The following EXOSC5 variants were observed in gnomAD, a reference collection of about 807,000 sequenced individuals.
EXOSC5 encodes exosome component 5, also known as exosome complex component RRP46.
In EXOSC5, 15 loss-of-function variants were observed where a neutral mutation model predicts 23.7. That is an observed-to-expected ratio of 0.63 (90% CI 0.42 to 0.97). The LOEUF is 0.97. EXOSC5 is among the 50% of genes least tolerant of loss of function. The pLI is 0.00. For synonymous variants in EXOSC5, 143 were observed against 140.9 expected, an observed-to-expected ratio of 1.02 and a Z score of -0.11; for missense variants, 305 against 316.3, an observed-to-expected ratio of 0.96 and a Z score of 0.27.
At chr19:41,390,225 C>T (rs1239317508) in intron 3 of EXOSC5, among the ~76,000 whole-genome samples, 2 of 152,156 alleles carry the variant, frequency 1.3e-5, no homozygotes, top group Non-Finnish European at 2.9e-5. Flanking sequence ...TGAGCCACCA[C>T]GCCCAGCCTA....
chr19:41,393,451 G>A (rs1468081770), intron 1 of EXOSC5, among the ~76,000 whole-genome samples: 4 of 152,176 alleles, frequency 2.6e-5, no homozygotes, highest in Non-Finnish European at 4.4e-5. Context: ...TTTTAGTAGA[G>A]AGGGGATTTT....
rs145531571 is a variant in EXOSC5 at position 41,389,839 on chromosome 19, G to C, written c.451C>G (p.Leu151Val). The C allele has an allele frequency of 5.5e-5, 89 of 1,614,012 alleles. No homozygotes were observed. The highest frequency in any genetic ancestry group is 6.9e-5 in the Non-Finnish European group (82 of 1,180,014). ...LVDAGVPMRA[L>V]FCGVACALDS... ...AGGGCGCAGGCGACCCCACAGAAGAGAGCCCGCATGGGCACACCTGCATCC... is the reference window on the plus strand; with the variant it reads ...AGGGCGCAGGCGACCCCACAGAAGACAGCCCGCATGGGCACACCTGCATCC... Residue 151 changes from leucine to valine, a missense_variant, in exon 4 of 6, where the codon CTC becomes GTC. Transcript: ENST00000221233.
chr19:41,390,461 G>C (rs569632133), intron 3 of EXOSC5, among the ~76,000 whole-genome samples: 1 of 152,340 alleles, frequency 6.6e-6, no homozygotes, highest in Non-Finnish European at 1.5e-5. Context: ...TCATCTGTTA[G>C]ATGGGGAATA....
chr19:41,387,936 C>T (rs564714598), intron 4 of EXOSC5, among the ~76,000 whole-genome samples: 5 of 152,158 alleles, frequency 3.3e-5, no homozygotes, highest in East Asian at 3.9e-4. Context: ...CCAGCATGGG[C>T]GACAGTGAGA....
At chr19:41,389,278 T>C (rs141614855) in intron 4 of EXOSC5, among the ~76,000 whole-genome samples, 8 of 150,732 alleles carry the variant, frequency 5.3e-5, no homozygotes, top group Non-Finnish European at 1.2e-4. Context: ...TTATTTATAT[T>C]TTTTGAGATG....
At chr19:41,392,750 A>G (rs2039032738) in intron 2 of EXOSC5, 117 bp downstream of exon 2, 1 of 745,206 alleles carries the variant, frequency 1.3e-6, no homozygotes. Flanking sequence ...AAAGACAGAA[A>G]CAGCTGAGTG....
At position 41,396,213 on chromosome 19, in the gene EXOSC5, A is replaced by ATTT. The variant is rs555938662; in HGVS notation, c.148+965_148+967dup. ...GGTGACATCGTGAGACGCTGTCTCA[A>ATTT]TTTTTTTTTTTTTTGAGACAGAGTC... is the stretch of plus-strand genomic sequence containing the variant. On this transcript the variant is annotated intron_variant, in intron 1 of 5. Coordinates refer to ENST00000221233, the MANE Select transcript of EXOSC5 (RefSeq NM_020158.4). Among the ~76,000 whole-genome samples the ATTT allele has an allele frequency of 2.6e-3, 384 of 145,430 alleles. 6 individuals are homozygous for ATTT. Among genetic ancestry groups the ATTT allele is most frequent in the African/African-American group, 9.0e-3 (357 of 39,854 alleles).
chr19:41,390,866 T>G lies in EXOSC5; in HGVS notation c.385-961A>C, dbSNP rs572150819. The stretch of plus-strand genomic sequence containing the variant: ...TCTGTAAAATGGGGTCACAATACCT[T>G]CTCTCTCTGCCCATCCATAAAATGT... On this transcript the variant is annotated intron_variant, in intron 3 of 5. Transcript: ENST00000221233. Among the ~76,000 whole-genome samples the G allele has an allele frequency of 3.3e-5, 5 of 152,282 alleles. No homozygotes were observed. In the East Asian group the frequency reaches 7.7e-4, roughly 24 times the overall value.
Position 41,392,916 on chromosome 19 carries a change from G to GA in EXOSC5, c.212dup (p.Asn72GlnfsTer91), listed in dbSNP as rs746494686. On this transcript the variant is annotated frameshift_variant, in exon 2 of 6. Coordinates refer to ENST00000221233, the MANE Select transcript of EXOSC5 (RefSeq NM_020158.4). LOFTEE classifies it high-confidence loss of function. ...GGATCACTTCGAGTGTGGCCTTGTT[G>GA]AAAATCTCTTTGCTGACCTTCACCT... 1 of 1,613,848 alleles carries GA rather than the reference G, an allele frequency of 6.2e-7. No homozygotes were observed. The highest frequency in any genetic ancestry group is 1.1e-5 in the South Asian group (1 of 91,062).
chr19:41,387,461 T>C lies in EXOSC5; in HGVS notation c.615+53A>G. 3.5e-6 allele frequency: 5 copies of C among 1,419,730 alleles called. No homozygotes were observed. The South Asian group carries it at 4.0e-5, about 11-fold the overall frequency. The allele number at this position is 1,419,730 out of a possible 1,614,324, so 87.9% of individuals were successfully genotyped here. On this transcript the variant is annotated intron_variant, in intron 5 of 5. Coordinates refer to ENST00000221233, the MANE Select transcript of EXOSC5 (RefSeq NM_020158.4). ...CCAGGGCAGAGTTGGGACAAGACCG[T>C]ATGTCAGTGGGAAGGAAGGTTCTGG...
At position 41,392,926 on chromosome 19, in the gene EXOSC5, T is replaced by G; in HGVS notation, c.203A>C (p.Lys68Thr). 1 of 1,613,828 alleles carries G rather than the reference T, an allele frequency of 6.2e-7. No individual in the cohort carries two copies. ...GAGTGTGGCCTTGTTGAAAATCTCT[T>G]TGCTGACCTTCACCTCGGCCGGCCC... ...VYGPAEVKVS[K>T]EIFNKATLEV... Residue 68 changes from lysine to threonine, a missense_variant, in exon 2 of 6, where the codon AAA becomes ACA. Coordinates refer to ENST00000221233, the MANE Select transcript of EXOSC5 (RefSeq NM_020158.4).
chr19:41,391,773 A>G, intron 3 of EXOSC5, 68 bp downstream of exon 3: 1 of 1,456,498 alleles, frequency 6.9e-7, no homozygotes, highest in South Asian at 1.5e-5. Context: ...CAGTGAGGGT[A>G]TATGTATCCG....
chr19:41,392,420 A>G (rs1393766060), intron 2 of EXOSC5, among the ~76,000 whole-genome samples: 1 of 151,854 alleles, frequency 6.6e-6, no homozygotes, highest in African/African-American at 2.4e-5. Context: ...CATCTCTACT[A>G]AAAAAATACA....
intron 3 of EXOSC5, among the ~76,000 whole-genome samples, chr19:41,391,368 AAAAC>A (rs1412565604): frequency 6.6e-6 from 1 of 152,206 alleles, no homozygotes; most frequent in African/African-American, 2.4e-5. Context: ...GCCTGTCTCA[AAAAC>A]AAACAAAAAA....
intron 1 of EXOSC5, among the ~76,000 whole-genome samples, chr19:41,394,113 G>T (rs919528542): frequency 2.6e-5 from 4 of 152,100 alleles, no homozygotes; most frequent in African/African-American, 9.7e-5. Context: ...TTCTAGTACT[G>T]TCTGCTGTAA....
chr19:41,396,576 G>A (rs2039066567), intron 1 of EXOSC5, among the ~76,000 whole-genome samples: 1 of 151,266 alleles, frequency 6.6e-6, no homozygotes, highest in Non-Finnish European at 1.5e-5. Context: ...ATTTAGCTAG[G>A]AAAAGGGGAT....
Position 41,386,547 on chromosome 19 carries a change from A to G in EXOSC5, c.*86T>C, listed in dbSNP as rs1459756273. The G allele has an allele frequency of 7.4e-7, 1 of 1,350,026 alleles. No homozygotes were observed. The highest frequency in any genetic ancestry group is 1.3e-5 in the South Asian group (1 of 77,486). The allele number at this position is 1,350,026 out of a possible 1,614,324, so 83.6% of individuals were successfully genotyped here. A position where few individuals can be genotyped will look rare whatever the true frequency, so the allele number is the denominator to read the frequency against. ...GGCTCAAGGAGCCCATGGGTCAGAG[A>G]GGCAAGGCTGGGCTGCTGGTTTGCT... On this transcript the variant is annotated 3_prime_UTR_variant, in exon 6 of 6. Transcript: ENST00000221233.
chr19:41,393,511 G>A (rs2039039781), intron 1 of EXOSC5, among the ~76,000 whole-genome samples: 1 of 151,268 alleles, frequency 6.6e-6, no homozygotes, highest in South Asian at 2.1e-4. Context: ...GTAATCCCAA[G>A]GTGCTAGGAT....
At chr19:41,396,679 T>C (rs2039068349) in intron 1 of EXOSC5, among the ~76,000 whole-genome samples, 1 of 150,106 alleles carries the variant, frequency 6.7e-6, no homozygotes, top group Admixed American at 6.7e-5. Context: ...TGTGGAGAGA[T>C]GCAGTGAGGT....
Sources: gnomAD v4.1 joint callset for allele counts (sites outside exome capture counted in the v4.1 genomes callset) on GRCh38, gnomAD v4.1.1 for gene constraint, MANE v1.5 for transcripts, NCBI Gene and HGNC (gene_info 2026-07-23, HGNC 2026-07-21) for gene names.